GALNS: variants seen among roughly 807,000 people sequenced by gnomAD.
GALNS encodes the protein N-acetylgalactosamine-6-sulfatase.
In GALNS, 65 loss-of-function variants were observed where a neutral mutation model predicts 65.9. That is an observed-to-expected ratio of 0.99 (90% CI 0.81 to 1.21). The LOEUF (loss-of-function observed/expected upper bound fraction) is 1.21, where lower values mean the gene tolerates loss of function less well. Ranked by LOEUF, GALNS falls within the 50% of genes most tolerant of loss-of-function variation. GALNS has a pLI of 0.00. For missense variants in GALNS, 776 were observed against 700.7 expected, an observed-to-expected ratio of 1.11 and a Z score of -1.21; for synonymous variants, 346 against 288.9, an observed-to-expected ratio of 1.20 and a Z score of -2.00.
intron 3 of GALNS, 58 bp from the exon 4 acceptor site, chr16:88,841,152 C>T (rs1279242804): frequency 7.5e-7 from 1 of 1,337,196 alleles, no homozygotes; most frequent in Non-Finnish European, 1.1e-6. Flanking sequence ...CCACCAACCC[C>T]ATCCTAACAG....
Position 88,815,464 on chromosome 16 carries a change from G to C in GALNS, c.1483-939C>G. The stretch of plus-strand genomic sequence containing the variant: ...TGAGCGGAGCCCGCACCCCTCCATC[G>C]CCTGGGTGTGTGTGGACCTCACAGT... On this transcript the variant is annotated intron_variant, in intron 13 of 13. Transcript: ENST00000268695. The C allele has an allele frequency of 3.0e-6, 3 of 985,482 alleles. No individual in the cohort carries two copies. The South Asian group carries it at 1.4e-4, about 46-fold the overall frequency. 61.0% of individuals were successfully genotyped at this position (985,482 alleles called of 1,614,324 possible). A position where few individuals can be genotyped will look rare whatever the true frequency, so the allele number is the denominator to read the frequency against.
chr16:88,822,015 G>A (rs1038098500), intron 12 of GALNS, among the ~76,000 whole-genome samples: 1 of 152,142 alleles, frequency 6.6e-6, no homozygotes, highest in Non-Finnish European at 1.5e-5. Context: ...AAGCCAGGGC[G>A]GGGTCTCCAG....
chr16:88,823,448 C>A (rs1214962386), intron 11 of GALNS, among the ~76,000 whole-genome samples: 1 of 152,232 alleles, frequency 6.6e-6, no homozygotes, highest in Admixed American at 6.5e-5. Context: ...GGCCAAGGGG[C>A]TCGTCCGAGG....
chr16:88,825,020 C>G, intron 10 of GALNS, 151 bp from the exon 11 acceptor site: 1 of 676,278 alleles, frequency 1.5e-6, no homozygotes, highest in Non-Finnish European at 2.5e-6. Flanking sequence ...GTAAAAAGGC[C>G]CGCAAGGTGG....
At chr16:88,856,317 T>TC (rs1967873766) in intron 1 of GALNS, 2 of 702,618 alleles carry the variant, frequency 2.8e-6, no homozygotes, top group Non-Finnish European at 2.6e-6. Context: ...GCGACGCAGC[T>TC]CTCAGGCAGG....
rs867190421 is a variant in GALNS at position 88,856,790 on chromosome 16, G to A, written c.88C>T (p.Pro30Ser). The change falls in exon 1 of 14, where the codon CCC (proline) becomes TCC (serine). Residue 30 changes from proline (P) to serine (S), a missense_variant. Transcript: ENST00000268695. ...ATGAGCAGGAGCAGGATGTTGGGGG[G>A]CTGCGGGGCGCCCGAGGCCCCCATC... is the stretch of plus-strand genomic sequence containing the variant. ...AGMGASGAPQPPNILLLLMDD... is the reference protein window; with the variant it reads ...AGMGASGAPQSPNILLLLMDD... The A allele has an allele frequency of 5.8e-6, 9 of 1,542,904 alleles. No individual in the cohort carries two copies. In the East Asian group the frequency reaches 1.2e-4, roughly 21 times the overall value.
At chr16:88,817,852 C>T (rs904526415) in intron 13 of GALNS, among the ~76,000 whole-genome samples, 155 bp downstream of exon 13, 3 of 152,190 alleles carry the variant, frequency 2.0e-5, no homozygotes, top group South Asian at 2.1e-4. Context: ...TCCCGGACGC[C>T]GCCGCGTGTG....
At chr16:88,814,818 C>G (rs1341418307) in intron 13 of GALNS, among the ~76,000 whole-genome samples, 1 of 152,234 alleles carries the variant, frequency 6.6e-6, no homozygotes, top group Admixed American at 6.5e-5. Flanking sequence ...CCAGGCTGGT[C>G]TTGAACTCCT....
intron 4 of GALNS, among the ~76,000 whole-genome samples, chr16:88,839,102 C>A (rs1056901866): frequency 1.3e-5 from 2 of 152,124 alleles, no homozygotes; most frequent in African/African-American, 2.4e-5. Context: ...AGGGGACACT[C>A]GTGCGTCCAC....
intron 1 of GALNS, among the ~76,000 whole-genome samples, chr16:88,848,272 T>C (rs1019023432): frequency 6.6e-6 from 1 of 152,118 alleles, no homozygotes; most frequent in Admixed American, 6.5e-5. Context: ...AGGACGACTC[T>C]GAGAACACAC....
At chr16:88,815,996 G>A in intron 13 of GALNS, 4 of 985,426 alleles carry the variant, frequency 4.1e-6, no homozygotes, top group Non-Finnish European at 4.8e-6. Flanking sequence ...CGGGGACAGA[G>A]GGCAGGGAAG....
chr16:88,838,129 G>A (rs1038353531), intron 4 of GALNS, among the ~76,000 whole-genome samples: 1 of 152,180 alleles, frequency 6.6e-6, no homozygotes, highest in African/African-American at 2.4e-5. Context: ...TGAACTCCCA[G>A]GAGAGTTTTG....
At chr16:88,849,110 C>T (rs1365189470) in intron 1 of GALNS, among the ~76,000 whole-genome samples, 1 of 152,130 alleles carries the variant, frequency 6.6e-6, no homozygotes, top group Admixed American at 6.5e-5. Flanking sequence ...CTTTGGATCC[C>T]TTTTGAGATG....
chr16:88,837,476 A>G, intron 5 of GALNS, 146 bp downstream of exon 5: 3 of 802,684 alleles, frequency 3.7e-6, no homozygotes, highest in Non-Finnish European at 6.0e-6. Context: ...GAAGCCACCA[A>G]ACCAAAGCCC....
chr16:88,856,500 T>C (rs1037586490), intron 1 of GALNS: 2 of 697,982 alleles, frequency 2.9e-6, no homozygotes, highest in South Asian at 3.0e-5. Context: ...GCAGCGCGTG[T>C]GGTGATCGGT....
At chr16:88,836,620 A>C (rs150453116) in intron 5 of GALNS, among the ~76,000 whole-genome samples, 5,009 of 152,002 alleles carry the variant, frequency 0.033, 127 homozygotes, top group South Asian at 0.082. Flanking sequence ...CGCCACTGCA[A>C]TCCACCCTGG....
intron 12 of GALNS, among the ~76,000 whole-genome samples, chr16:88,818,406 G>A (rs1170266889): frequency 6.6e-6 from 1 of 152,210 alleles, no homozygotes; most frequent in Non-Finnish European, 1.5e-5. Flanking sequence ...GTCCCATCCT[G>A]TCCCTGCCTG....
intron 13 of GALNS, chr16:88,817,452 T>TG: frequency 1.0e-6 from 1 of 985,400 alleles, no homozygotes; most frequent in Non-Finnish European, 1.2e-6. Context: ...CGAAGGTCTC[T>TG]GGGGCTGGCC....
chr16:88,839,715 T>C lies in GALNS; in HGVS notation c.422+1277A>G, dbSNP rs138221803. On this transcript the variant is annotated intron_variant, in intron 4 of 13. Transcript: ENST00000268695. ...CACTGCACCATGTGCGGGAGGAGCC[T>C]GGGGCTCTGAGGTCTGCCTGGCTCC... is the stretch of plus-strand genomic sequence containing the variant. Among the ~76,000 whole-genome samples the C allele has an allele frequency of 4.7e-3, 714 of 152,312 alleles. 6 individuals are homozygous for C. The highest frequency in any genetic ancestry group is 0.017 in the Middle Eastern group (5 of 294).
Sources: allele counts gnomAD v4.1 joint callset (sites outside exome capture counted in the v4.1 genomes callset), GRCh38; gene constraint gnomAD v4.1.1; transcripts MANE v1.5; gene names NCBI Gene and HGNC (gene_info 2026-07-23, HGNC 2026-07-21).